The following RAPGEF4 variants were observed in gnomAD, a reference collection of about 807,000 sequenced individuals.
The protein encoded by RAPGEF4 is RAP guanine-nucleotide-exchange factor (GEF) 4.
A neutral mutation model predicts 147.9 loss-of-function variants in RAPGEF4; 66 were observed. The ratio of observed to expected loss-of-function variants is 0.45; its 90% CI spans 0.37 to 0.55. The LOEUF (loss-of-function observed/expected upper bound fraction) is 0.55, where lower values mean the gene tolerates loss of function less well. Among genes scored for constraint, RAPGEF4 ranks in the 20% least tolerant of loss-of-function variants. The probability of loss-of-function intolerance (pLI) is 0.00; values close to 1 mark genes in which losing one functional copy is unlikely to be tolerated. For missense variants in RAPGEF4, 1,071 were observed against 1,257.3 expected, an observed-to-expected ratio of 0.85 and a Z score of 2.24; for synonymous variants, 419 against 442.7, an observed-to-expected ratio of 0.95 and a Z score of 0.67.
At chr2:172,824,990 T>C (rs574951142) in intron 4 of RAPGEF4, among the ~76,000 whole-genome samples, 1 of 152,360 alleles carries the variant, frequency 6.6e-6, no homozygotes. Context: ...ATCACATTTA[T>C]TTTCAGTAGC....
At chr2:172,996,871 C>T (rs1253572495) in intron 16 of RAPGEF4, among the ~76,000 whole-genome samples, 2 of 152,168 alleles carry the variant, frequency 1.3e-5, no homozygotes, top group Non-Finnish European at 2.9e-5. Context: ...ATCATACATC[C>T]TACCTATTCC....
At chr2:172,808,858 G>C (rs1687747963) in intron 3 of RAPGEF4, among the ~76,000 whole-genome samples, 1 of 152,228 alleles carries the variant, frequency 6.6e-6, no homozygotes, top group African/African-American at 2.4e-5. Context: ...TCCCTGCTGA[G>C]CATTGAGTGT....
intron 5 of RAPGEF4, among the ~76,000 whole-genome samples, chr2:172,919,665 C>T (rs1181361466): frequency 1.1e-4 from 16 of 152,150 alleles, no homozygotes; most frequent in Admixed American, 1.0e-3. Flanking sequence ...CTGTTTGATC[C>T]TTCCAGGGGC....
At chr2:172,771,697 G>A (rs557372933) in intron 1 of RAPGEF4, among the ~76,000 whole-genome samples, 10 of 152,030 alleles carry the variant, frequency 6.6e-5, no homozygotes, top group Admixed American at 2.6e-4. Flanking sequence ...CTCCCACCTC[G>A]GCTTCCTGAG....
intron 4 of RAPGEF4, among the ~76,000 whole-genome samples, chr2:172,816,143 C>A (rs1688481211): frequency 6.6e-6 from 1 of 152,100 alleles, no homozygotes; most frequent in Non-Finnish European, 1.5e-5. Context: ...ATCTAATACC[C>A]AGTCTATATT....
chr2:172,869,051 A>C (rs1694939803), intron 4 of RAPGEF4, among the ~76,000 whole-genome samples: 1 of 152,216 alleles, frequency 6.6e-6, no homozygotes, highest in South Asian at 2.1e-4. Flanking sequence ...TGGTATCTGG[A>C]GCCAACTAGA....
intron 10 of RAPGEF4, among the ~76,000 whole-genome samples, chr2:172,974,513 A>G (rs1372305012): frequency 1.3e-5 from 2 of 152,022 alleles, no homozygotes; most frequent in East Asian, 1.9e-4. Context: ...GCGAAAACCC[A>G]TCTCTACAAA....
chr2:173,018,815 A>G lies in RAPGEF4; in HGVS notation c.2155+13A>G. 2 of 1,611,924 alleles carry G rather than the reference A, an allele frequency of 1.2e-6. No individual in the cohort carries two copies. The highest frequency in any genetic ancestry group is 1.7e-6 in the Non-Finnish European group (2 of 1,179,022). On this transcript the variant is annotated intron_variant, in intron 22 of 30. Coordinates refer to ENST00000397081, the MANE Select transcript of RAPGEF4 (RefSeq NM_007023.4). The stretch of plus-strand genomic sequence containing the variant: ...AGTTCCGGAGGAGGTAACAGTCTTA[A>G]TTCATATTTTAGGCTCTGCAAAATG...
chr2:172,891,349 T>C (rs957792295), intron 4 of RAPGEF4, among the ~76,000 whole-genome samples: 1 of 152,216 alleles, frequency 6.6e-6, no homozygotes, highest in Non-Finnish European at 1.5e-5. Flanking sequence ...GTTTCAGGTA[T>C]GTGTCCCTGA....
chr2:172,961,376 C>G (rs1194219836), intron 8 of RAPGEF4, 148 bp downstream of exon 8: 11 of 606,470 alleles, frequency 1.8e-5, no homozygotes, highest in Non-Finnish European at 2.9e-5. Flanking sequence ...TCTTACATCT[C>G]AGCTTAACTG....
chr2:172,989,020 G>A (rs1692560253), intron 14 of RAPGEF4, among the ~76,000 whole-genome samples, 181 bp downstream of exon 14: 1 of 152,254 alleles, frequency 6.6e-6, no homozygotes, highest in Non-Finnish European at 1.5e-5. Context: ...GGATCCAGAG[G>A]TTGTATTCCA....
intron 1 of RAPGEF4, among the ~76,000 whole-genome samples, chr2:172,740,425 A>AT (rs1372025670): frequency 6.6e-6 from 1 of 152,210 alleles, no homozygotes; most frequent in South Asian, 2.1e-4. Context: ...CAGCAGATGA[A>AT]TTTTTTTTAA....
intron 1 of RAPGEF4, among the ~76,000 whole-genome samples, chr2:172,794,628 A>G (rs1486225241): frequency 6.6e-6 from 1 of 151,994 alleles, no homozygotes; most frequent in Non-Finnish European, 1.5e-5. Flanking sequence ...TTTTTCCCTT[A>G]TATCTTGCTC....
At position 173,051,857 on chromosome 2, in the gene RAPGEF4, G is replaced by A. The variant is rs1686283371; in HGVS notation, c.*90G>A. 4.1e-6 allele frequency: 6 copies of A among 1,480,690 alleles called. No homozygotes were observed. The Middle Eastern group carries it at 5.3e-4, about 132-fold the overall frequency. The allele number at this position is 1,480,690 out of a possible 1,614,324, so 91.7% of individuals were successfully genotyped here. A position where few individuals can be genotyped will look rare whatever the true frequency, so the allele number is the denominator to read the frequency against. ...GCTACTACTGACTGTATTGCCACTAGAGAATTCTACAAAACAAGCAAAAAC... is the reference window on the plus strand; with the variant it reads ...GCTACTACTGACTGTATTGCCACTAAAGAATTCTACAAAACAAGCAAAAAC... On this transcript the variant is annotated 3_prime_UTR_variant, in exon 31 of 31. Transcript: ENST00000397081.
intron 1 of RAPGEF4, among the ~76,000 whole-genome samples, chr2:172,790,544 T>C (rs10168072): frequency 1.2e-3 from 186 of 152,314 alleles, no homozygotes; most frequent in African/African-American, 4.3e-3. Flanking sequence ...CATCATCATT[T>C]TGATATACTG....
At chr2:172,942,573 A>T (rs1459030794) in intron 6 of RAPGEF4, among the ~76,000 whole-genome samples, 4 of 151,298 alleles carry the variant, frequency 2.6e-5, no homozygotes, top group Non-Finnish European at 3.0e-5. Flanking sequence ...TCTGGTAAAA[A>T]AAAAAAAAAA....
intron 11 of RAPGEF4, 129 bp downstream of exon 11, chr2:172,983,709 C>T (rs1691936860): frequency 1.4e-6 from 2 of 1,430,586 alleles, no homozygotes; most frequent in East Asian, 5.0e-5. Flanking sequence ...CACCTCTACT[C>T]TCTTACGAGA....
intron 4 of RAPGEF4, among the ~76,000 whole-genome samples, chr2:172,835,808 G>A (rs945596135): frequency 6.6e-6 from 1 of 152,072 alleles, no homozygotes; most frequent in African/African-American, 2.4e-5. Flanking sequence ...CTCTTAACCA[G>A]TATACATTTC....
At chr2:172,785,273 T>C (rs1304966684) in intron 1 of RAPGEF4, among the ~76,000 whole-genome samples, 1 of 152,236 alleles carries the variant, frequency 6.6e-6, no homozygotes, top group Non-Finnish European at 1.5e-5. Flanking sequence ...ACTGTTGTTA[T>C]AGAGAAAAAA....
Sources: gnomAD v4.1 joint callset for allele counts (sites outside exome capture counted in the v4.1 genomes callset) on GRCh38, gnomAD v4.1.1 for gene constraint, MANE v1.5 for transcripts, NCBI Gene and HGNC (gene_info 2026-07-23, HGNC 2026-07-21) for gene names.